LRRIQ3: variants seen among roughly 807,000 people sequenced by gnomAD.
LRRIQ3 encodes leucine-rich repeat and IQ domain-containing protein 3.
Under a neutral mutation model 59.3 loss-of-function variants are expected in LRRIQ3, and 75 were observed. The ratio of observed to expected loss-of-function variants is 1.26; its 90% CI spans 1.05 to 1.53. The LOEUF (loss-of-function observed/expected upper bound fraction) is 1.53, where lower values mean the gene tolerates loss of function less well. Ranked by LOEUF, LRRIQ3 falls within the 40% of genes most tolerant of loss-of-function variation. The pLI is 0.00. For missense variants in LRRIQ3, 831 were observed against 710.0 expected (o/e 1.17, Z -1.94); for synonymous variants, 250 against 231.3 (o/e 1.08, Z -0.73).
At chr1:74,118,210 A>G (rs912819733) in intron 4 of LRRIQ3, among the ~76,000 whole-genome samples, 2 of 151,706 alleles carry the variant, frequency 1.3e-5, no homozygotes, top group Admixed American at 1.3e-4. Context: ...TCATTACTAC[A>G]CTCTCGCTTT....
intron 4 of LRRIQ3, among the ~76,000 whole-genome samples, chr1:74,147,717 C>T (rs1647667901): frequency 6.6e-6 from 1 of 152,186 alleles, no homozygotes; most frequent in Non-Finnish European, 1.5e-5. Flanking sequence ...CTCTATCATT[C>T]TCTCTGCTTT....
chr1:74,050,266 G>C (rs1300746667), intron 6 of LRRIQ3, among the ~76,000 whole-genome samples: 5 of 152,026 alleles, frequency 3.3e-5, no homozygotes, highest in Non-Finnish European at 5.9e-5. Context: ...TTGAAGTACA[G>C]GTTCTCCTTT....
chr1:74,048,073 A>T (rs1325422816), intron 6 of LRRIQ3, among the ~76,000 whole-genome samples: 2 of 152,152 alleles, frequency 1.3e-5, no homozygotes, highest in African/African-American at 2.4e-5. Flanking sequence ...CTGATCTCAG[A>T]CTCAGACTCC....
chr1:74,161,156 G>A (rs966045698), intron 3 of LRRIQ3, among the ~76,000 whole-genome samples: 15 of 151,936 alleles, frequency 9.9e-5, no homozygotes, highest in African/African-American at 3.1e-4. Flanking sequence ...GTGTCCTCAC[G>A]TAATGGAAAG....
intron 1 of LRRIQ3, among the ~76,000 whole-genome samples, chr1:74,196,139 T>C (rs1651102610): frequency 1.3e-5 from 2 of 152,170 alleles, no homozygotes; most frequent in African/African-American, 2.4e-5. Flanking sequence ...AAAAATAATA[T>C]CCAATTTCTA....
At chr1:74,176,019 G>T (rs1301582706) in intron 3 of LRRIQ3, among the ~76,000 whole-genome samples, 2 of 152,152 alleles carry the variant, frequency 1.3e-5, no homozygotes, top group Non-Finnish European at 2.9e-5. Context: ...TCAAGAGAAA[G>T]AAAGTGTATT....
At chr1:74,061,451 G>C (rs779693232) in intron 6 of LRRIQ3, among the ~76,000 whole-genome samples, 3 of 151,938 alleles carry the variant, frequency 2.0e-5, no homozygotes, top group African/African-American at 7.2e-5. Flanking sequence ...TTTAAAATTC[G>C]TATGGAACCA....
At chr1:74,060,898 T>C (rs1047569701) in intron 6 of LRRIQ3, among the ~76,000 whole-genome samples, 1 of 152,082 alleles carries the variant, frequency 6.6e-6, no homozygotes, top group East Asian at 1.9e-4. Context: ...AGGACTCATT[T>C]TGACCCCCAG....
At chr1:74,119,571 T>G (rs908471254) in intron 4 of LRRIQ3, among the ~76,000 whole-genome samples, 1 of 152,160 alleles carries the variant, frequency 6.6e-6, no homozygotes, top group Non-Finnish European at 1.5e-5. Context: ...ATGTCCTATA[T>G]GTAATGTTTT....
In LRRIQ3 at chr1:74,183,452, T is replaced by C; in HGVS notation, c.233A>G (p.Asp78Gly). Residue 78 changes from aspartate (D) to glycine (G), a missense_variant, in exon 2 of 8, where the codon GAT becomes GGT. Physicochemically the swap from Asp to Gly is moderately conservative, Grantham distance 94. Transcript: ENST00000354431. ...LQSCIKLIKL[D>G]LHGNQIKSLP... Reference sequence around the variant, plus strand: ...ATTGCTTACCTGATTTCCATGGAGATCAAGTTTGATTAATTTTATACAACT... The same window carrying C: ...ATTGCTTACCTGATTTCCATGGAGACCAAGTTTGATTAATTTTATACAACT... 1 of 1,585,614 alleles carries C rather than the reference T, an allele frequency of 6.3e-7. No homozygotes were observed. Among genetic ancestry groups the C allele is most frequent in the South Asian group, 1.2e-5 (1 of 86,340 alleles).
chr1:74,172,669 G>A (rs767274295), intron 3 of LRRIQ3, among the ~76,000 whole-genome samples: 1 of 151,902 alleles, frequency 6.6e-6, no homozygotes, highest in African/African-American at 2.4e-5. Context: ...TTGAAAGTGG[G>A]GTATTGAAGT....
At chr1:74,146,717 C>T (rs1287194503) in intron 4 of LRRIQ3, among the ~76,000 whole-genome samples, 1 of 152,094 alleles carries the variant, frequency 6.6e-6, no homozygotes, top group Non-Finnish European at 1.5e-5. Flanking sequence ...TTTGAAACCT[C>T]AGGCAAGTTA....
intron 6 of LRRIQ3, among the ~76,000 whole-genome samples, chr1:74,060,258 C>CTTCT (rs1557597783): frequency 5.8e-5 from 7 of 121,536 alleles, no homozygotes; most frequent in African/African-American, 2.1e-4. Flanking sequence ...CTTCTTCTTC[C>CTTCT]TCTTCCTCTT....
intron 5 of LRRIQ3, among the ~76,000 whole-genome samples, chr1:74,080,451 T>C (rs772409982): frequency 1.3e-5 from 2 of 151,808 alleles, no homozygotes; most frequent in East Asian, 3.9e-4. Flanking sequence ...GAGATAATGA[T>C]TTATCTTTAA....
At chr1:74,132,042 A>G (rs1241081931) in intron 4 of LRRIQ3, among the ~76,000 whole-genome samples, 1 of 152,172 alleles carries the variant, frequency 6.6e-6, no homozygotes, top group Non-Finnish European at 1.5e-5. Flanking sequence ...CAGGATACAA[A>G]ATCAATGTGC....
chr1:74,151,071 G>C (rs1287804186), intron 4 of LRRIQ3, among the ~76,000 whole-genome samples: 2 of 132,852 alleles, frequency 1.5e-5, no homozygotes, highest in African/African-American at 5.7e-5. Flanking sequence ...AGGCTGGAGT[G>C]CAGTGGCGCG....
At chr1:74,134,384 T>C (rs1647084435) in intron 4 of LRRIQ3, among the ~76,000 whole-genome samples, 1 of 151,990 alleles carries the variant, frequency 6.6e-6, no homozygotes, top group Non-Finnish European at 1.5e-5. Context: ...GGTGCAAAGG[T>C]ACTACTATGG....
chr1:74,045,362 A>G (rs1046650139), intron 6 of LRRIQ3, among the ~76,000 whole-genome samples: 5 of 152,214 alleles, frequency 3.3e-5, no homozygotes, highest in African/African-American at 1.2e-4. Flanking sequence ...GATAAAAGCC[A>G]CATGATTATC....
At position 74,160,227 on chromosome 1, in the gene LRRIQ3, G is replaced by A. The variant is rs1008082877; in HGVS notation, c.574-4361C>T. ...CCCAAACATATCCTCTAAACTCCAA[G>A]AACACGAAACTACTTGTTGTCACTT... On this transcript the variant is annotated intron_variant, in intron 3 of 7. Transcript: ENST00000354431. 2.0e-5 allele frequency among the ~76,000 whole-genome samples: 3 copies of A among 152,078 alleles called. No individual in the cohort carries two copies. The East Asian group carries it at 5.8e-4, about 29-fold the overall frequency.
Sources: allele counts gnomAD v4.1 joint callset (sites outside exome capture counted in the v4.1 genomes callset), GRCh38; gene constraint gnomAD v4.1.1; transcripts MANE v1.5; gene names NCBI Gene and HGNC (gene_info 2026-07-23, HGNC 2026-07-21).